Variants in PRTFDC1 observed in about 807,000 individuals in gnomAD.
The protein encoded by PRTFDC1 is phosphoribosyltransferase domain-containing protein 1.
PRTFDC1 carries 38 observed loss-of-function variants against 34.6 expected under a neutral mutation model. The observed-to-expected ratio is 1.10, with a 90% confidence interval of 0.85 to 1.44. The LOEUF (loss-of-function observed/expected upper bound fraction) is 1.44, where lower values mean the gene tolerates loss of function less well. PRTFDC1 is among the 40% of genes most tolerant of loss of function. PRTFDC1 has a pLI of 0.00. For missense variants in PRTFDC1, 270 were observed against 283.0 expected, an observed-to-expected ratio of 0.95 and a Z score of 0.33; for synonymous variants, 93 against 98.1, an observed-to-expected ratio of 0.95 and a Z score of 0.31.
chr10:24,861,173 C>T (rs1847674322), intron 4 of PRTFDC1, among the ~76,000 whole-genome samples: 1 of 152,108 alleles, frequency 6.6e-6, no homozygotes, highest in Non-Finnish European at 1.5e-5. Flanking sequence ...TATTCAAATA[C>T]ATCTTCAAAT....
At chr10:24,917,435 C>G (rs1848711188) in intron 3 of PRTFDC1, among the ~76,000 whole-genome samples, 3 of 152,100 alleles carry the variant, frequency 2.0e-5, no homozygotes, top group Non-Finnish European at 4.4e-5. Context: ...TTCTCTTATT[C>G]TGTTACAGAC....
intron 2 of PRTFDC1, among the ~76,000 whole-genome samples, chr10:24,941,249 T>A (rs1849152712): frequency 7.9e-6 from 1 of 125,872 alleles, no homozygotes; most frequent in African/African-American, 2.7e-5. Context: ...AGAGACGGGT[T>A]CTCACTACAT....
chr10:24,880,822 T>TCTTTCTTTCTTTCTTTCTTC (rs1848059148), intron 3 of PRTFDC1, among the ~76,000 whole-genome samples: 25 of 91,766 alleles, frequency 2.7e-4, no homozygotes, highest in African/African-American at 1.3e-3. Flanking sequence ...TCTCTTTCTT[T>TCTTTCTTTCTTTCTTTCTTC]CTTTCTTTCT....
intron 3 of PRTFDC1, among the ~76,000 whole-genome samples, chr10:24,887,598 T>C (rs929433856): frequency 1.3e-5 from 2 of 152,032 alleles, no homozygotes; most frequent in Admixed American, 6.6e-5. Flanking sequence ...TCAAACCTCT[T>C]TCCTTTATGA....
intron 3 of PRTFDC1, among the ~76,000 whole-genome samples, chr10:24,889,061 G>T (rs140865283): frequency 6.6e-6 from 1 of 151,980 alleles, no homozygotes; most frequent in Non-Finnish European, 1.5e-5. Flanking sequence ...TGTTGAAATC[G>T]AATCACCATG....
At chr10:24,949,532 C>T (rs1849303306) in intron 1 of PRTFDC1, among the ~76,000 whole-genome samples, 2 of 152,108 alleles carry the variant, frequency 1.3e-5, no homozygotes, top group African/African-American at 4.8e-5. Context: ...AGCTTCGATT[C>T]GCTCTGAAGT....
At chr10:24,908,302 T>G in intron 3 of PRTFDC1, 3 of 660,152 alleles carry the variant, frequency 4.5e-6, no homozygotes, top group Non-Finnish European at 7.3e-6. Flanking sequence ...ACTACCACAT[T>G]GTATTTCAAG....
At chr10:24,861,513 AAAACAAAC>A (rs937791823) in intron 4 of PRTFDC1, among the ~76,000 whole-genome samples, 3 of 152,028 alleles carry the variant, frequency 2.0e-5, no homozygotes, top group East Asian at 3.9e-4. Flanking sequence ...ACAAAAAACA[AAAACAAAC>A]AAACAAACAA....
chr10:24,856,827 T>C (rs1433702298), intron 6 of PRTFDC1, 86 bp downstream of exon 6: 1 of 1,242,692 alleles, frequency 8.0e-7, no homozygotes, highest in Non-Finnish European at 1.2e-6. Flanking sequence ...TATATTACAC[T>C]CTTTGGAAAG....
At chr10:24,851,605 AC>A in intron 7 of PRTFDC1, 141 bp from the exon 8 acceptor site, 1 of 1,366,822 alleles carries the variant, frequency 7.3e-7, no homozygotes, top group South Asian at 1.5e-5. Flanking sequence ...TGAGAAATGC[AC>A]ACGATGAGCC....
At chr10:24,932,320 A>C (rs574450446) in intron 3 of PRTFDC1, among the ~76,000 whole-genome samples, 1 of 152,096 alleles carries the variant, frequency 6.6e-6, no homozygotes, top group African/African-American at 2.4e-5. Context: ...CATGCAATAA[A>C]AAGAAATAAA....
chr10:24,897,410 A>C (rs1848385221), intron 3 of PRTFDC1, among the ~76,000 whole-genome samples: 1 of 152,204 alleles, frequency 6.6e-6, no homozygotes, highest in Non-Finnish European at 1.5e-5. Flanking sequence ...TAGGATGTTC[A>C]CTGATGGCTT....
At chr10:24,913,357 G>A (rs1848654501) in intron 3 of PRTFDC1, among the ~76,000 whole-genome samples, 1 of 152,148 alleles carries the variant, frequency 6.6e-6, no homozygotes, top group South Asian at 2.1e-4. Flanking sequence ...TTGGGTAACT[G>A]CATCTGTATT....
At chr10:24,917,152 G>A (rs184469760) in intron 3 of PRTFDC1, among the ~76,000 whole-genome samples, 4 of 152,298 alleles carry the variant, frequency 2.6e-5, no homozygotes, top group East Asian at 1.9e-4. Flanking sequence ...TAAAGAGAGC[G>A]AGATTTCCTC....
intron 3 of PRTFDC1, among the ~76,000 whole-genome samples, chr10:24,898,766 C>G (rs1189371942): frequency 6.6e-6 from 1 of 152,120 alleles, no homozygotes; most frequent in Non-Finnish European, 1.5e-5. Flanking sequence ...ATACGTGTAC[C>G]ACAAGGATCA....
intron 3 of PRTFDC1, among the ~76,000 whole-genome samples, chr10:24,876,172 G>A (rs954443009): frequency 6.6e-6 from 1 of 151,460 alleles, no homozygotes; most frequent in Non-Finnish European, 1.5e-5. Flanking sequence ...TTGAGCCCAG[G>A]AGTTTGAGAC....
intron 4 of PRTFDC1, among the ~76,000 whole-genome samples, chr10:24,859,532 C>T (rs1485464465): frequency 6.6e-6 from 1 of 152,212 alleles, no homozygotes; most frequent in Non-Finnish European, 1.5e-5. Flanking sequence ...AGGCACGAGC[C>T]GCCACACCCA....
In PRTFDC1 at chr10:24,951,104, G is replaced by T. The variant is rs377236705; in HGVS notation, c.48+1424C>A. Among the ~76,000 whole-genome samples, 5 of 152,140 alleles carry T rather than the reference G, an allele frequency of 3.3e-5. 1 individual carries two copies. The South Asian group carries it at 8.3e-4, about 25-fold the overall frequency. On this transcript the variant is annotated intron_variant, in intron 1 of 8. Transcript: ENST00000320152. ...ATAAATCGGATACAATGATTCTTTTGCATTTGGTATGCGGGTCTCTGCCTG... is the reference window on the plus strand; with the variant it reads ...ATAAATCGGATACAATGATTCTTTTTCATTTGGTATGCGGGTCTCTGCCTG...
chr10:24,946,487 G>A (rs1270211964), intron 1 of PRTFDC1, among the ~76,000 whole-genome samples: 1 of 152,110 alleles, frequency 6.6e-6, no homozygotes, highest in Non-Finnish European at 1.5e-5. Flanking sequence ...CCTATAAACT[G>A]TAATATGGAT....
Sources: gnomAD v4.1 joint callset for allele counts (sites outside exome capture counted in the v4.1 genomes callset) on GRCh38, gnomAD v4.1.1 for gene constraint, MANE v1.5 for transcripts, NCBI Gene and HGNC (gene_info 2026-07-23, HGNC 2026-07-21) for gene names.